The following DIP2C variants were observed in gnomAD, a reference collection of about 807,000 sequenced individuals.
DIP2C encodes DIP2 acetate--CoA ligase C (putative), also known as disco-interacting protein 2 homolog C.
DIP2C carries 33 observed loss-of-function variants against 192.4 expected under a neutral mutation model. That is an observed-to-expected ratio of 0.17 (90% CI 0.13 to 0.23). The LOEUF is 0.23. DIP2C is among the 10% of genes least tolerant of loss of function. DIP2C has a pLI of 1.00. For missense variants in DIP2C, 1,537 were observed against 2,110.1 expected (o/e 0.73, Z 5.32); for synonymous variants, 979 against 864.1 (o/e 1.13, Z -2.33).
intron 1 of DIP2C, among the ~76,000 whole-genome samples, chr10:507,567 C>T (rs140258601): frequency 8.5e-5 from 13 of 152,278 alleles, no homozygotes; most frequent in Admixed American, 2.0e-4. Context: ...GGACTGTGTG[C>T]GCGGTGACGG....
rs574522972 is a variant in DIP2C, at chr10:552,677, C to T, written c.86-66147G>A. 1.5e-4 allele frequency among the ~76,000 whole-genome samples: 23 copies of T among 152,270 alleles called. No homozygotes were observed. In the South Asian group the frequency reaches 4.4e-3, roughly 29 times the overall value. The stretch of plus-strand genomic sequence containing the variant: ...CATCCTGGCTAACACGGTGAAACCC[C>T]GTCTCTAGTAAAAATACAAAAAATT... On this transcript the variant is annotated intron_variant, in intron 1 of 36. Coordinates refer to ENST00000280886, the MANE Select transcript of DIP2C (RefSeq NM_014974.3).
chr10:633,868 G>A (rs983396112), intron 1 of DIP2C, among the ~76,000 whole-genome samples: 7 of 152,220 alleles, frequency 4.6e-5, no homozygotes, highest in African/African-American at 1.7e-4. Context: ...GGGAACTGAC[G>A]AACATCTCTG....
At position 378,508 on chromosome 10, in the gene DIP2C, G is replaced by GAC. The variant is rs536398356; in HGVS notation, c.1991+4137_1991+4138dup. Among the ~76,000 whole-genome samples, 926 of 151,384 alleles carry GAC rather than the reference G, an allele frequency of 6.1e-3. 4 individuals carry two copies. Among genetic ancestry groups the GAC allele is most frequent in the East Asian group, 0.014 (70 of 5,068 alleles). ...ACATGTGAACACAGACATGCATAAA[G>GAC]ACACGTGAACACACATGCACAAAGA... On this transcript the variant is annotated intron_variant, in intron 17 of 36. Transcript: ENST00000280886.
At chr10:569,404 TAAGTATTA>T (rs1849644680) in intron 1 of DIP2C, among the ~76,000 whole-genome samples, 1 of 152,052 alleles carries the variant, frequency 6.6e-6, no homozygotes, top group Non-Finnish European at 1.5e-5. Flanking sequence ...GCAATTCAGC[TAAGTATTA>T]TAGTAATACA....
chr10:439,716 G>A (rs1406659959), intron 4 of DIP2C, among the ~76,000 whole-genome samples: 2 of 151,082 alleles, frequency 1.3e-5, no homozygotes, highest in African/African-American at 4.9e-5. Flanking sequence ...AGGTATAAAG[G>A]TGAATACTCA....
chr10:483,443 G>C (rs1302284130), intron 2 of DIP2C, among the ~76,000 whole-genome samples: 2 of 152,234 alleles, frequency 1.3e-5, no homozygotes, highest in African/African-American at 4.8e-5. Flanking sequence ...CGTGTCACAA[G>C]CAACGTCTCC....
intron 32 of DIP2C, among the ~76,000 whole-genome samples, chr10:305,073 ATGCATG>A (rs1369047922): frequency 1.3e-5 from 2 of 152,198 alleles, no homozygotes; most frequent in East Asian, 3.9e-4. Context: ...ACTCATGCAC[ATGCATG>A]TGCAGTTGAA....
intron 32 of DIP2C, among the ~76,000 whole-genome samples, chr10:294,848 C>T (rs1411846719): frequency 6.6e-6 from 1 of 151,952 alleles, no homozygotes; most frequent in East Asian, 1.9e-4. Flanking sequence ...AGCTTCTGCA[C>T]AGCAAAGGAA....
chr10:560,193 A>ACAG (rs1564200351), intron 1 of DIP2C, among the ~76,000 whole-genome samples: 2 of 152,238 alleles, frequency 1.3e-5, no homozygotes, highest in South Asian at 4.2e-4. Flanking sequence ...CCCTCCACGC[A>ACAG]CAGCAGAGAG....
rs1219921198 is a variant in DIP2C, at chr10:277,346, G to A, written c.4650C>T (p.Ile1550=). 9 of 1,614,150 alleles carry A rather than the reference G, an allele frequency of 5.6e-6. No homozygotes were observed. In the African/African-American group the frequency reaches 8.0e-5, roughly 14 times the overall value. ...GAGACTACATGTTGTAGGCCACATAGATGGGGTCTAGCTGGTCTGCCAAAA... is the reference window on the plus strand; with the variant it reads ...GAGACTACATGTTGTAGGCCACATAAATGGGGTCTAGCTGGTCTGCCAAAA... ...DGFLADQLDP[I]YVAYNM The change falls in exon 37 of 37, where the codon ATC becomes ATT. Residue 1550 remains isoleucine, a synonymous_variant. Coordinates refer to ENST00000280886, the MANE Select transcript of DIP2C (RefSeq NM_014974.3).
intron 6 of DIP2C, 110 bp downstream of exon 6, chr10:418,955 G>C: frequency 6.6e-7 from 1 of 1,509,214 alleles, no homozygotes; most frequent in Non-Finnish European, 8.9e-7. Context: ...AATTGGCTTT[G>C]TCAGAACCGA....
chr10:532,734 G>A lies in DIP2C; in HGVS notation c.86-46204C>T, dbSNP rs375681652. Among the ~76,000 whole-genome samples the A allele has an allele frequency of 3.3e-3, 367 of 111,994 alleles. 14 individuals carry two copies. Among genetic ancestry groups the A allele is most frequent in the African/African-American group, 0.01 (344 of 34,066 alleles). 73.5% of individuals were successfully genotyped at this position (111,994 alleles called of 152,430 possible). A position where few individuals can be genotyped will look rare whatever the true frequency, so the allele number is the denominator to read the frequency against. ...GAGTATGGGTGTGAGAGAGAGTATG[G>A]GTGTGAGAGAGAGTATGGGTGTGTG... is the stretch of plus-strand genomic sequence containing the variant. On this transcript the variant is annotated intron_variant, in intron 1 of 36. Coordinates refer to ENST00000280886, the MANE Select transcript of DIP2C (RefSeq NM_014974.3).
chr10:410,809 A>G (rs1965134076), intron 8 of DIP2C, among the ~76,000 whole-genome samples: 1 of 152,242 alleles, frequency 6.6e-6, no homozygotes, highest in Non-Finnish European at 1.5e-5. Flanking sequence ...AACTTTTGGA[A>G]AAATTCTTGA....
At chr10:552,059 G>A (rs1848620008) in intron 1 of DIP2C, among the ~76,000 whole-genome samples, 1 of 152,204 alleles carries the variant, frequency 6.6e-6, no homozygotes, top group Admixed American at 6.5e-5. Flanking sequence ...ACGTTGCACT[G>A]AATCCTGGGT....
chr10:369,218 G>C (rs1199795535), intron 18 of DIP2C, among the ~76,000 whole-genome samples: 3 of 152,192 alleles, frequency 2.0e-5, no homozygotes. Context: ...CACCAGTGTG[G>C]ACCCTGCACT....
chr10:337,046 A>G (rs111663814), intron 29 of DIP2C, among the ~76,000 whole-genome samples: 90 of 7,928 alleles, frequency 0.011, 1 homozygote, highest in Non-Finnish European at 0.014. Context: ...GGAGGCCTAG[A>G]CTGGTGTGTG....
intron 1 of DIP2C, among the ~76,000 whole-genome samples, chr10:552,537 C>T (rs921505822): frequency 1.2e-4 from 18 of 152,332 alleles, no homozygotes; most frequent in African/African-American, 3.6e-4. Flanking sequence ...TTTCATTCCT[C>T]AAATGTAGCT....
At chr10:578,253 CACA>C (rs1443700220) in intron 1 of DIP2C, among the ~76,000 whole-genome samples, 2 of 152,166 alleles carry the variant, frequency 1.3e-5, no homozygotes, top group African/African-American at 4.8e-5. Context: ...TGTTTATATT[CACA>C]ACACTAGGAG....
At chr10:388,709 A>T (rs957657670) in intron 13 of DIP2C, among the ~76,000 whole-genome samples, 1 of 152,248 alleles carries the variant, frequency 6.6e-6, no homozygotes, top group African/African-American at 2.4e-5. Flanking sequence ...TGTTTTTAAA[A>T]GGGAGATTAT....
Sources: allele counts gnomAD v4.1 joint callset (sites outside exome capture counted in the v4.1 genomes callset), GRCh38; gene constraint gnomAD v4.1.1; transcripts MANE v1.5; gene names NCBI Gene and HGNC (gene_info 2026-07-23, HGNC 2026-07-21).